NEK11: variants seen among roughly 807,000 people sequenced by gnomAD.
NEK11 encodes the protein NIMA related kinase 11, also known as serine/threonine-protein kinase Nek11.
In NEK11, 72 loss-of-function variants were observed where a neutral mutation model predicts 80.7. The ratio of observed to expected loss-of-function variants is 0.89; its 90% CI spans 0.74 to 1.08. The LOEUF (loss-of-function observed/expected upper bound fraction) is 1.08, where lower values mean the gene tolerates loss of function less well. Among genes scored for constraint, NEK11 ranks in the 50% least tolerant of loss-of-function variants. The pLI, the probability that NEK11 is intolerant of heterozygous loss-of-function variation, is 0.00. For synonymous variants in NEK11, 251 were observed against 260.7 expected (o/e 0.96, Z 0.36); for missense variants, 764 against 763.6 (o/e 1.00, Z -0.01).
chr3:131,234,627 C>A (rs751001628), intron 15 of NEK11, among the ~76,000 whole-genome samples: 3 of 152,078 alleles, frequency 2.0e-5, no homozygotes, highest in Non-Finnish European at 4.4e-5. Flanking sequence ...ATTTCCACCC[C>A]TACCCCCCAT....
chr3:131,186,854 C>T (rs1049711459), intron 14 of NEK11, among the ~76,000 whole-genome samples: 1 of 152,130 alleles, frequency 6.6e-6, no homozygotes, highest in Non-Finnish European at 1.5e-5. Context: ...TAATCCTCTG[C>T]TTTGGGTTTA....
intron 14 of NEK11, among the ~76,000 whole-genome samples, chr3:131,225,473 A>C (rs955859231): frequency 4.6e-5 from 7 of 152,202 alleles, no homozygotes; most frequent in Non-Finnish European, 4.4e-5. Flanking sequence ...TTACAGGAAA[A>C]ACTACTGAGT....
intron 16 of NEK11, among the ~76,000 whole-genome samples, chr3:131,246,973 T>C (rs1405767908): frequency 6.6e-6 from 1 of 152,112 alleles, no homozygotes; most frequent in Non-Finnish European, 1.5e-5. Flanking sequence ...TTTTTTGTTT[T>C]CTTCTTGCTG....
intron 3 of NEK11, among the ~76,000 whole-genome samples, chr3:131,076,003 C>T (rs1165564013): frequency 2.6e-5 from 4 of 152,132 alleles, no homozygotes; most frequent in Non-Finnish European, 4.4e-5. Context: ...AAAATGGAGA[C>T]GCCGTGCCAC....
intron 3 of NEK11, among the ~76,000 whole-genome samples, chr3:131,066,658 A>T (rs2072023539): frequency 6.6e-6 from 1 of 151,780 alleles, no homozygotes; most frequent in Non-Finnish European, 1.5e-5. Flanking sequence ...ACATGGTGAA[A>T]CCCCATATCT....
At chr3:131,102,453 A>G (rs982969939) in intron 4 of NEK11, among the ~76,000 whole-genome samples, 1 of 152,236 alleles carries the variant, frequency 6.6e-6, no homozygotes, top group Non-Finnish European at 1.5e-5. Context: ...TTGATGAGAT[A>G]TGAAATTCTT....
At chr3:131,182,269 C>G (rs1215630776) in intron 14 of NEK11, among the ~76,000 whole-genome samples, 2 of 151,992 alleles carry the variant, frequency 1.3e-5, no homozygotes, top group Non-Finnish European at 2.9e-5. Flanking sequence ...TTCTAAAAAA[C>G]TCAAAAAAGG....
chr3:131,093,135 T>A (rs1305489354), intron 4 of NEK11, among the ~76,000 whole-genome samples: 2 of 152,268 alleles, frequency 1.3e-5, no homozygotes, highest in African/African-American at 2.4e-5. Context: ...CAAGAGACAG[T>A]TCCTTGTGTG....
In NEK11 at chr3:131,064,333, G is replaced by T. The variant is rs1034834183; in HGVS notation, c.171-16090G>T. Among the ~76,000 whole-genome samples, 5 of 152,272 alleles carry T rather than the reference G, an allele frequency of 3.3e-5. No individual in the cohort carries two copies. The East Asian group carries it at 9.7e-4, about 29-fold the overall frequency. ...AGTCCAAGAATAAGGTGCCAGCAGG[G>T]TGATTTTTTTCTGAGGCTGCTCTCC... On this transcript the variant is annotated intron_variant, in intron 3 of 17. Coordinates refer to ENST00000383366, the MANE Select transcript of NEK11 (RefSeq NM_024800.5).
At chr3:131,036,146 GAGA>G (rs1229607491) in intron 3 of NEK11, among the ~76,000 whole-genome samples, 6 of 152,232 alleles carry the variant, frequency 3.9e-5, no homozygotes, top group Non-Finnish European at 5.9e-5. Context: ...GAGATAGGAA[GAGA>G]AGGAGACTTC....
At chr3:131,315,233 T>C (rs886412115) in intron 17 of NEK11, among the ~76,000 whole-genome samples, 1 of 152,206 alleles carries the variant, frequency 6.6e-6, no homozygotes, top group African/African-American at 2.4e-5. Flanking sequence ...TCATCCTACC[T>C]GCAACTGTGT....
intron 3 of NEK11, among the ~76,000 whole-genome samples, chr3:131,057,293 G>A (rs909756441): frequency 2.0e-5 from 3 of 151,994 alleles, no homozygotes; most frequent in Non-Finnish European, 4.4e-5. Flanking sequence ...ATCATTGTTG[G>A]ACGTTTAGGT....
chr3:131,164,835 G>C (rs2092047188), intron 11 of NEK11, among the ~76,000 whole-genome samples: 1 of 152,158 alleles, frequency 6.6e-6, no homozygotes. Context: ...AGAGACAAGG[G>C]AGTTTGACTA....
Position 131,168,897 on chromosome 3 carries a change from C to G in NEK11, c.1244C>G (p.Pro415Arg). The G allele has an allele frequency of 6.2e-7, 1 of 1,613,758 alleles. No homozygotes were observed. The highest frequency in any genetic ancestry group is 8.5e-7 in the Non-Finnish European group (1 of 1,179,892). The change falls in exon 13 of 18, where the codon CCC (proline) becomes CGC (arginine). Residue 415 changes from proline to arginine, a missense_variant. Transcript: ENST00000383366. ...EQPEGRLSCSPQDEDEERWQG... is the reference protein window; with the variant it reads ...EQPEGRLSCSRQDEDEERWQG... ...CCTGAGGGAAGACTTTCTTGTTCAC[C>G]CCAGGACGAGGATGAAGAGAGGTGG...
intron 17 of NEK11, among the ~76,000 whole-genome samples, chr3:131,274,952 C>G (rs1273711756): frequency 6.6e-6 from 1 of 150,984 alleles, no homozygotes; most frequent in Non-Finnish European, 1.5e-5. Context: ...CGCGCCCGGC[C>G]GTTTCCTGAC....
intron 5 of NEK11, among the ~76,000 whole-genome samples, chr3:131,118,176 G>A (rs2081635058): frequency 6.6e-6 from 1 of 151,958 alleles, no homozygotes; most frequent in Non-Finnish European, 1.5e-5. Flanking sequence ...GAGAGTTTTG[G>A]GTATGAAGGG....
chr3:131,063,525 C>T (rs2148835554), intron 3 of NEK11, among the ~76,000 whole-genome samples: 1 of 152,078 alleles, frequency 6.6e-6, no homozygotes, highest in South Asian at 2.1e-4. Context: ...GAAACAGAAG[C>T]AAGAAAAAGG....
intron 17 of NEK11, among the ~76,000 whole-genome samples, chr3:131,335,745 A>C (rs963376905): frequency 1.3e-5 from 2 of 152,218 alleles, no homozygotes; most frequent in Non-Finnish European, 2.9e-5. Flanking sequence ...AAATCTCCTT[A>C]AGCTGATAAG....
intron 17 of NEK11, among the ~76,000 whole-genome samples, chr3:131,346,889 G>A (rs2097371481): frequency 6.6e-6 from 1 of 152,060 alleles, no homozygotes; most frequent in Non-Finnish European, 1.5e-5. Context: ...ACTCAGGTAG[G>A]GTAAAAGAAA....
Sources: allele counts gnomAD v4.1 joint callset (sites outside exome capture counted in the v4.1 genomes callset), GRCh38; gene constraint gnomAD v4.1.1; transcripts MANE v1.5; gene names NCBI Gene and HGNC (gene_info 2026-07-23, HGNC 2026-07-21).